The following ARHGEF10 variants were observed in gnomAD, a reference collection of about 807,000 sequenced individuals.
The protein encoded by ARHGEF10 is Rho guanine nucleotide exchange factor 10.
In ARHGEF10, 140 loss-of-function variants were observed where a neutral mutation model predicts 147.4. That is an observed-to-expected ratio of 0.95 (90% CI 0.83 to 1.09). The LOEUF (loss-of-function observed/expected upper bound fraction) is 1.09, where lower values mean the gene tolerates loss of function less well. ARHGEF10 is among the 50% of genes least tolerant of loss of function. ARHGEF10 has a pLI of 0.00. For missense variants in ARHGEF10, 2,222 were observed against 1,752.7 expected (o/e 1.27, Z -4.78); for synonymous variants, 902 against 695.8 (o/e 1.30, Z -4.67).
chr8:1,886,394 C>G (rs1307098269), intron 11 of ARHGEF10, among the ~76,000 whole-genome samples: 6 of 152,064 alleles, frequency 3.9e-5, no homozygotes, highest in African/African-American at 1.4e-4. Context: ...TGGGGAGATC[C>G]CTGATACAGG....
intron 3 of ARHGEF10, among the ~76,000 whole-genome samples, chr8:1,859,581 T>G (rs1364189179): frequency 2.0e-5 from 3 of 152,240 alleles, no homozygotes; most frequent in South Asian, 2.1e-4. Context: ...TGCATGGTGT[T>G]TCTTTGTGTG....
At chr8:1,913,142 G>A (rs887268108) in intron 18 of ARHGEF10, among the ~76,000 whole-genome samples, 2 of 152,132 alleles carry the variant, frequency 1.3e-5, no homozygotes, top group African/African-American at 4.8e-5. Context: ...TGTGGGGGTG[G>A]GTGGGGAGGT....
intron 26 of ARHGEF10, among the ~76,000 whole-genome samples, chr8:1,941,592 T>A (rs1814095038): frequency 6.6e-6 from 1 of 151,884 alleles, no homozygotes; most frequent in African/African-American, 2.4e-5. Flanking sequence ...TTTTTTTTTT[T>A]AAACAAAACT....
At chr8:1,861,855 A>G (rs1806161317) in intron 4 of ARHGEF10, among the ~76,000 whole-genome samples, 1 of 152,194 alleles carries the variant, frequency 6.6e-6, no homozygotes, top group South Asian at 2.1e-4. Context: ...TGGCTGAAGG[A>G]AAATACGTTT....
chr8:1,873,385 G>A (rs1248486320), intron 7 of ARHGEF10, among the ~76,000 whole-genome samples: 1 of 152,232 alleles, frequency 6.6e-6, no homozygotes, highest in Admixed American at 6.5e-5. Flanking sequence ...AAAAGCAAAA[G>A]CAAGAGGAGA....
chr8:1,860,212 C>T (rs201352567), intron 4 of ARHGEF10, 28 bp downstream of exon 4: 132 of 1,607,666 alleles, frequency 8.2e-5, no homozygotes, highest in African/African-American at 4.3e-4. Flanking sequence ...TCCACGCCCC[C>T]GAAGTGGCCT....
At chr8:1,897,093 T>A (rs1810038914) in intron 14 of ARHGEF10, among the ~76,000 whole-genome samples, 2 of 152,250 alleles carry the variant, frequency 1.3e-5, no homozygotes, top group African/African-American at 2.4e-5. Context: ...TCGGCGGAAC[T>A]GAGTCTCCTT....
At position 1,957,403 on chromosome 8, in the gene ARHGEF10, G is replaced by T; in HGVS notation, c.*140G>T. The T allele has an allele frequency of 8.2e-7, 1 of 1,215,748 alleles. No individual in the cohort carries two copies. Among genetic ancestry groups the T allele is most frequent in the Non-Finnish European group, 1.1e-6 (1 of 871,592 alleles). The allele number at this position is 1,215,748 out of a possible 1,614,324, so 75.3% of individuals were successfully genotyped here. A position where few individuals can be genotyped will look rare whatever the true frequency, so the allele number is the denominator to read the frequency against. On this transcript the variant is annotated 3_prime_UTR_variant, in exon 29 of 29. Coordinates refer to ENST00000349830, the MANE Select transcript of ARHGEF10 (RefSeq NM_014629.4). Reference sequence around the variant, plus strand: ...GTATTTGGGGGAGAAACGTGCAATAGCGTAATGGTGGTGTCCCTGCCAATT... The same window carrying T: ...GTATTTGGGGGAGAAACGTGCAATATCGTAATGGTGGTGTCCCTGCCAATT...
chr8:1,848,248 A>G (rs1318987350), intron 2 of ARHGEF10, among the ~76,000 whole-genome samples: 5 of 152,264 alleles, frequency 3.3e-5, no homozygotes, highest in African/African-American at 4.8e-5. Flanking sequence ...TCCTCAGGTT[A>G]AGTGGCTTTG....
At chr8:1,934,056 C>CACTGTGCCCGGCTA in intron 26 of ARHGEF10, 114 bp downstream of exon 26, 1 of 1,420,154 alleles carries the variant, frequency 7.0e-7, no homozygotes, top group Non-Finnish European at 9.8e-7. Context: ...TCCTTCTAGC[C>CACTGTGCCCGGCTA]GGGCACAGTG....
intron 17 of ARHGEF10, among the ~76,000 whole-genome samples, chr8:1,906,323 G>T (rs1216578550): frequency 6.6e-6 from 1 of 152,138 alleles, no homozygotes; most frequent in Non-Finnish European, 1.5e-5. Context: ...GTGCCAATTC[G>T]TCATGTCTTG....
At chr8:1,938,474 G>T (rs3779707) in intron 26 of ARHGEF10, among the ~76,000 whole-genome samples, 16,207 of 152,194 alleles carry the variant, frequency 0.11, 1,056 homozygotes, top group East Asian at 0.29. Flanking sequence ...AGAGGAAAAA[G>T]GTTTCTGGCC....
intron 27 of ARHGEF10, among the ~76,000 whole-genome samples, chr8:1,947,710 A>G (rs1814707289): frequency 1.2e-5 from 1 of 82,724 alleles, no homozygotes; most frequent in African/African-American, 4.6e-5. Context: ...CTCTCATCCC[A>G]GCATCCCACC....
chr8:1,859,418 T>G (rs969701685), intron 3 of ARHGEF10, among the ~76,000 whole-genome samples: 5 of 148,924 alleles, frequency 3.4e-5, no homozygotes, highest in Non-Finnish European at 6.0e-5. Context: ...ACGGTGTTTC[T>G]TTGTGCGCAG....
At chr8:1,908,497 G>A (rs973016077) in intron 17 of ARHGEF10, among the ~76,000 whole-genome samples, 3 of 152,128 alleles carry the variant, frequency 2.0e-5, no homozygotes, top group Admixed American at 2.0e-4. Flanking sequence ...CTCCCAAAGT[G>A]CTGGGATTAC....
At chr8:1,862,241 C>G (rs1286240274) in intron 4 of ARHGEF10, among the ~76,000 whole-genome samples, 1 of 152,260 alleles carries the variant, frequency 6.6e-6, no homozygotes, top group East Asian at 1.9e-4. Context: ...GGGGCGGCCG[C>G]CTGGCTCTGC....
chr8:1,925,181 A>C (rs1812588899), intron 21 of ARHGEF10, 102 bp from the exon 22 acceptor site: 2 of 1,468,914 alleles, frequency 1.4e-6, no homozygotes, highest in Admixed American at 3.6e-5. Flanking sequence ...CCCTGTACAA[A>C]CAGAATGCCA....
At chr8:1,840,905 C>T (rs988911203) in intron 1 of ARHGEF10, among the ~76,000 whole-genome samples, 4 of 152,186 alleles carry the variant, frequency 2.6e-5, no homozygotes, top group South Asian at 2.1e-4. Flanking sequence ...CTCACGGGTG[C>T]GCTGGCCGGC....
intron 7 of ARHGEF10, among the ~76,000 whole-genome samples, chr8:1,872,140 C>T (rs1264609537): frequency 3.3e-5 from 5 of 152,002 alleles, no homozygotes; most frequent in South Asian, 2.1e-4. Context: ...TTGTAAAAAT[C>T]ATAAGAGGAT....
Sources: gnomAD v4.1 joint callset for allele counts (sites outside exome capture counted in the v4.1 genomes callset) on GRCh38, gnomAD v4.1.1 for gene constraint, MANE v1.5 for transcripts, NCBI Gene and HGNC (gene_info 2026-07-23, HGNC 2026-07-21) for gene names.